The following LIMA1 variants were observed in gnomAD, a reference collection of about 807,000 sequenced individuals.
The protein encoded by LIMA1 is LIM domain and actin binding 1, also known as LIM domain and actin-binding protein 1.
LIMA1 carries 52 observed loss-of-function variants against 62.6 expected under a neutral mutation model. The ratio of observed to expected loss-of-function variants is 0.83; its 90% confidence interval spans 0.67 to 1.05. The LOEUF is 1.05. Ranked by LOEUF, LIMA1 falls within the 50% of genes least tolerant of loss-of-function variation. The pLI, the probability that LIMA1 is intolerant of heterozygous loss-of-function variation, is 0.00. For missense variants in LIMA1, 780 were observed against 902.2 expected, an observed-to-expected ratio of 0.86 and a Z score of 1.74; for synonymous variants, 302 against 317.8, an observed-to-expected ratio of 0.95 and a Z score of 0.53.
intron 9 of LIMA1, among the ~76,000 whole-genome samples, chr12:50,190,588 C>T (rs1481353135): frequency 1.5e-5 from 2 of 130,552 alleles, no homozygotes; most frequent in African/African-American, 5.7e-5. Context: ...CCATGTTGTT[C>T]AGGCTGGTCT....
chr12:50,255,044 A>C (rs1297080651), intron 1 of LIMA1, among the ~76,000 whole-genome samples: 1 of 77,982 alleles, frequency 1.3e-5, no homozygotes, highest in Non-Finnish European at 2.2e-5. Flanking sequence ...AAAAAAAACA[A>C]AACAAAAAAA....
In LIMA1 at chr12:50,195,798, C is replaced by T. The variant is rs775580216; in HGVS notation, c.1030+32G>A. ...CCAAATACAGATAGAAAACAAGAAC[C>T]TCATCCTCCAGATCTAAGAAAGAAT... On this transcript the variant is annotated intron_variant, in intron 8 of 10. Coordinates refer to ENST00000341247, the MANE Select transcript of LIMA1 (RefSeq NM_016357.5). 69 of 1,580,022 alleles carry T rather than the reference C, an allele frequency of 4.4e-5. No homozygotes were observed. In the Admixed American group the frequency reaches 8.6e-4, roughly 20 times the overall value.
intron 1 of LIMA1, among the ~76,000 whole-genome samples, chr12:50,268,343 G>T (rs967977895): frequency 4.6e-5 from 7 of 152,022 alleles, no homozygotes; most frequent in African/African-American, 1.7e-4. Context: ...AGATAAGGGT[G>T]GTACTCTGAG....
rs370553670 is a variant in LIMA1, at chr12:50,180,103, C to T, written c.1274+1801G>A. On this transcript the variant is annotated intron_variant, in intron 10 of 10. Coordinates refer to ENST00000341247, the MANE Select transcript of LIMA1 (RefSeq NM_016357.5). Reference sequence around the variant, plus strand: ...ACTGACTGAGGTCAGGAGTTCAAGACCAGCGTGGCTAACATGGTGAAACCT... The same window carrying T: ...ACTGACTGAGGTCAGGAGTTCAAGATCAGCGTGGCTAACATGGTGAAACCT... 1.3e-3 allele frequency among the ~76,000 whole-genome samples: 199 copies of T among 152,094 alleles called. 9 individuals carry two copies. In the South Asian group the frequency reaches 0.03, roughly 23 times the overall value.
At chr12:50,213,975 G>C (rs1262982512) in intron 4 of LIMA1, among the ~76,000 whole-genome samples, 1 of 151,248 alleles carries the variant, frequency 6.6e-6, no homozygotes, top group Non-Finnish European at 1.5e-5. Flanking sequence ...CAGTTAAAAA[G>C]ATTGGAATTC....
At chr12:50,216,666 G>A (rs944173770) in intron 4 of LIMA1, among the ~76,000 whole-genome samples, 2 of 151,840 alleles carry the variant, frequency 1.3e-5, no homozygotes, top group Non-Finnish European at 2.9e-5. Context: ...TTCAAGACCA[G>A]CCTATCCAAC....
intron 2 of LIMA1, among the ~76,000 whole-genome samples, chr12:50,247,640 T>TA (rs1375645482): frequency 1.4e-4 from 21 of 149,702 alleles, no homozygotes; most frequent in African/African-American, 2.7e-4. Flanking sequence ...TTATTATTAT[T>TA]TAAGACAGAG....
At chr12:50,206,501 A>G (rs533195039) in intron 4 of LIMA1, among the ~76,000 whole-genome samples, 1 of 152,228 alleles carries the variant, frequency 6.6e-6, no homozygotes, top group African/African-American at 2.4e-5. Context: ...CTGGTTCTTC[A>G]TTATCTTCCA....
At chr12:50,265,695 A>G (rs1424147507) in intron 1 of LIMA1, among the ~76,000 whole-genome samples, 5 of 152,158 alleles carry the variant, frequency 3.3e-5, no homozygotes, top group Admixed American at 2.0e-4. Context: ...TTTTTATTCA[A>G]AAGTCAAATT....
At chr12:50,218,579 G>A (rs1407497413) in intron 4 of LIMA1, among the ~76,000 whole-genome samples, 1 of 152,130 alleles carries the variant, frequency 6.6e-6, no homozygotes, top group Non-Finnish European at 1.5e-5. Context: ...TCACAATGAT[G>A]CCAAGGTGCT....
At chr12:50,193,978 CAT>C (rs200634034) in intron 8 of LIMA1, among the ~76,000 whole-genome samples, 10 of 106,922 alleles carry the variant, frequency 9.4e-5, no homozygotes, top group African/African-American at 1.2e-4. Flanking sequence ...CATATATATA[CAT>C]ATATATATAT....
chr12:50,202,712 C>T (rs2138476739), intron 6 of LIMA1, among the ~76,000 whole-genome samples: 1 of 152,244 alleles, frequency 6.6e-6, no homozygotes, highest in South Asian at 2.1e-4. Flanking sequence ...AGAATTAGTC[C>T]ACCAAATATT....
rs73301465 is a variant in LIMA1 at position 50,221,627 on chromosome 12, C to T, written c.630+394G>A. 4.6e-3 allele frequency among the ~76,000 whole-genome samples: 707 copies of T among 152,278 alleles called. 6 individuals carry two copies. The highest frequency in any genetic ancestry group is 0.014 in the African/African-American group (570 of 41,564). On this transcript the variant is annotated intron_variant, in intron 4 of 10. Coordinates refer to ENST00000341247, the MANE Select transcript of LIMA1 (RefSeq NM_016357.5). The stretch of plus-strand genomic sequence containing the variant: ...TAAGCCTCAGTCTTAATGTTAAACT[C>T]CGGCCTTAACACTCAGTCTGCAGCT...
intron 9 of LIMA1, chr12:50,186,707 G>T (rs917834530): frequency 1.3e-5 from 2 of 152,130 alleles, no homozygotes; most frequent in Non-Finnish European, 2.9e-5. Flanking sequence ...ACTGTCTCAT[G>T]GCCTCCTAGA....
chr12:50,265,377 G>A (rs540213743), intron 1 of LIMA1, among the ~76,000 whole-genome samples: 7 of 151,788 alleles, frequency 4.6e-5, no homozygotes, highest in East Asian at 1.9e-4. Context: ...AAAATTAGCC[G>A]GGCGTGGTGG....
chr12:50,186,253 A>G (rs1940628429), intron 9 of LIMA1: 1 of 152,142 alleles, frequency 6.6e-6, no homozygotes, highest in African/African-American at 2.4e-5. Flanking sequence ...TCTTCACAGT[A>G]TATTTTTTCA....
chr12:50,262,550 G>A lies in LIMA1; in HGVS notation c.-23-13776C>T, dbSNP rs529617937. ...GCACTTTGGGAGGCTGAGGAGACAG[G>A]ACCGCTTAAGGTCAGAAGTTCCAGA... On this transcript the variant is annotated intron_variant, in intron 1 of 10. Transcript: ENST00000341247. 1.2e-4 allele frequency among the ~76,000 whole-genome samples: 18 copies of A among 152,116 alleles called. No homozygotes were observed. The South Asian group carries it at 3.7e-3, about 32-fold the overall frequency.
chr12:50,210,721 TTTTAA>T (rs1445649513), intron 4 of LIMA1, among the ~76,000 whole-genome samples: 1 of 152,246 alleles, frequency 6.6e-6, no homozygotes, highest in African/African-American at 2.4e-5. Flanking sequence ...CTTTGTTAGC[TTTTAA>T]TTTAAACTGC....
At chr12:50,200,179 G>A (rs1045105619) in intron 7 of LIMA1, among the ~76,000 whole-genome samples, 2 of 152,002 alleles carry the variant, frequency 1.3e-5, no homozygotes, top group South Asian at 2.1e-4. Context: ...ACAGGCGTGA[G>A]CCACCACACT....
Sources: allele counts gnomAD v4.1 joint callset (sites outside exome capture counted in the v4.1 genomes callset), GRCh38; gene constraint gnomAD v4.1.1; transcripts MANE v1.5; gene names NCBI Gene and HGNC (gene_info 2026-07-23, HGNC 2026-07-21).